NOX5: variants seen among roughly 807,000 people sequenced by gnomAD.
NOX5 encodes the protein NADPH oxidase, EF-hand calcium binding domain 5.
In NOX5, 76 loss-of-function variants were observed where a neutral mutation model predicts 85.7. The observed-to-expected ratio is 0.89, with a 90% CI of 0.74 to 1.07. NOX5 has a LOEUF of 1.07. Among genes scored for constraint, NOX5 ranks in the 50% least tolerant of loss-of-function variants. The pLI is 0.00. For synonymous variants in NOX5, 405 were observed against 401.4 expected (o/e 1.01, Z -0.11); for missense variants, 973 against 999.5 (o/e 0.97, Z 0.36).
Position 69,035,954 on chromosome 15 carries a change from C to G in NOX5, c.1188+18C>G, listed in dbSNP as rs374987860. ...ACTTTGAGGTGCCCCAGTTGCTGCC[C>G]TTTTGCTTCCCCCAAGGCCAGGGTC... On this transcript the variant is annotated intron_variant, in intron 7 of 15. Transcript: ENST00000388866. The G allele has an allele frequency of 4.3e-6, 7 of 1,613,266 alleles. No individual in the cohort carries two copies. In the African/African-American group the frequency reaches 9.3e-5, roughly 22 times the overall value.
chr15:69,053,596 G>T (rs922787197), intron 14 of NOX5, among the ~76,000 whole-genome samples: 1 of 152,134 alleles, frequency 6.6e-6, no homozygotes, highest in African/African-American at 2.4e-5. Flanking sequence ...TCATAAAAAT[G>T]CCAAAATTAA....
chr15:69,035,176 C>G (rs897844521), intron 5 of NOX5, among the ~76,000 whole-genome samples, 178 bp from the exon 6 acceptor site: 1 of 152,226 alleles, frequency 6.6e-6, no homozygotes, highest in African/African-American at 2.4e-5. Context: ...TGGAGATCCT[C>G]CTCTAGAGAC....
intron 10 of NOX5, among the ~76,000 whole-genome samples, chr15:69,044,111 G>A (rs1358812772): frequency 1.3e-5 from 2 of 151,912 alleles, no homozygotes; most frequent in Admixed American, 6.6e-5. Flanking sequence ...TTGAACCCAG[G>A]AGGCAGAGGT....
intron 1 of NOX5, among the ~76,000 whole-genome samples, chr15:69,020,444 A>C (rs1309529448): frequency 1.3e-5 from 2 of 152,060 alleles, no homozygotes; most frequent in African/African-American, 4.8e-5. Flanking sequence ...TAATTTGATC[A>C]GAAAATGTAA....
intron 1 of NOX5, chr15:69,023,331 T>TTCATTCTC (rs2050317945): frequency 3.8e-6 from 1 of 260,470 alleles, no homozygotes; most frequent in East Asian, 1.1e-4. Flanking sequence ...CTAATGCCAC[T>TTCATTCTC]TCATTCTCTC....
At chr15:69,042,563 G>A in intron 9 of NOX5, 100 bp from the exon 10 acceptor site, 1 of 1,332,668 alleles carries the variant, frequency 7.5e-7, no homozygotes, top group Non-Finnish European at 1.0e-6. Context: ...AGGACTTGGA[G>A]GGCTGAGGCC....
intron 1 of NOX5, among the ~76,000 whole-genome samples, chr15:69,026,105 C>T (rs372570161): frequency 8.5e-5 from 13 of 152,346 alleles, no homozygotes; most frequent in African/African-American, 2.9e-4. Flanking sequence ...CCTGGCCCAC[C>T]AGGCTGTCAG....
At chr15:69,048,195 A>G (rs1416237820) in intron 13 of NOX5, among the ~76,000 whole-genome samples, 1 of 152,268 alleles carries the variant, frequency 6.6e-6, no homozygotes, top group Non-Finnish European at 1.5e-5. Context: ...ATTCAGTTAC[A>G]GCCATGATGC....
At chr15:69,040,033 T>C (rs1461150888) in intron 9 of NOX5, among the ~76,000 whole-genome samples, 1 of 152,230 alleles carries the variant, frequency 6.6e-6, no homozygotes, top group Non-Finnish European at 1.5e-5. Flanking sequence ...GTTCTCTGAC[T>C]CATCCTGGTT....
chr15:69,044,180 A>T (rs946854706), intron 10 of NOX5, among the ~76,000 whole-genome samples: 1 of 151,534 alleles, frequency 6.6e-6, no homozygotes, highest in Non-Finnish European at 1.5e-5. Flanking sequence ...TGAGGCTCCA[A>T]CTAAAAAAAA....
intron 3 of NOX5, chr15:69,028,609 A>T: frequency 2.8e-6 from 1 of 354,446 alleles, no homozygotes; most frequent in Non-Finnish European, 5.1e-6. Flanking sequence ...ACTCTGGCAC[A>T]GGAGACAAAT....
At chr15:69,034,653 T>C (rs962148390) in intron 5 of NOX5, among the ~76,000 whole-genome samples, 25 of 152,228 alleles carry the variant, frequency 1.6e-4, no homozygotes, top group African/African-American at 5.3e-4. Context: ...CACTCTGGAT[T>C]TGGCTCCTGC....
In NOX5 at chr15:69,047,497, A is replaced by G. The variant is rs755183645; in HGVS notation, c.1777A>G (p.Ile593Val). Residue 593 changes from isoleucine to valine, a missense_variant, in exon 12 of 16, where the codon ATC (isoleucine) becomes GTC (valine). By Grantham distance (29) the Ile-to-Val change is conservative. Transcript: ENST00000388866. ...CGTGCTCATCGGGGCAGGCATCGGC[A>G]TCACCCCCTTTGCTTCCATTCTGCA... ...HAVLIGAGIG[I>V]TPFASILQSI... 1.2e-6 allele frequency: 2 copies of G among 1,613,908 alleles called. No individual in the cohort carries two copies. The highest frequency in any genetic ancestry group is 1.7e-6 in the Non-Finnish European group (2 of 1,179,986).
intron 1 of NOX5, among the ~76,000 whole-genome samples, chr15:69,017,234 C>A (rs2050242302): frequency 6.6e-6 from 1 of 152,114 alleles, no homozygotes. Flanking sequence ...TCACTACAAC[C>A]TCCACCTCCT....
intron 8 of NOX5, 148 bp from the exon 9 acceptor site, chr15:69,038,709 A>G (rs1595781272): frequency 9.2e-7 from 1 of 1,085,386 alleles, no homozygotes; most frequent in East Asian, 2.4e-5. Context: ...GAGGTGGGCC[A>G]CCACTCAGAA....
intron 10 of NOX5, among the ~76,000 whole-genome samples, chr15:69,045,457 T>C (rs1398621592): frequency 6.6e-6 from 1 of 151,878 alleles, no homozygotes; most frequent in Non-Finnish European, 1.5e-5. Context: ...TGCTCCACAC[T>C]CTTACTCCTT....
intron 8 of NOX5, chr15:69,037,893 G>C (rs1198761311): frequency 6.6e-6 from 1 of 152,356 alleles, no homozygotes; most frequent in Non-Finnish European, 1.5e-5. Context: ...AACCCCGCAG[G>C]CCATGGGGAA....
chr15:69,016,807 T>TATAC lies in NOX5; in HGVS notation c.50+2036_50+2039dup, dbSNP rs1161870266. Among the ~76,000 whole-genome samples the TATAC allele has an allele frequency of 2.5e-4, 36 of 142,820 alleles. No individual in the cohort carries two copies. The South Asian group carries it at 6.2e-3, about 25-fold the overall frequency. The allele number at this position is 142,820 out of a possible 152,430, so 93.7% of individuals were successfully genotyped here. On this transcript the variant is annotated intron_variant, in intron 1 of 15. Coordinates refer to ENST00000388866, the MANE Select transcript of NOX5 (RefSeq NM_024505.4). ...CATATATGACATATGCATATATATA[T>TATAC]ATACATACATACATACACACACTAA...
At chr15:69,048,935 G>A in intron 13 of NOX5, 24 bp from the exon 14 acceptor site, 1 of 1,586,372 alleles carries the variant, frequency 6.3e-7, no homozygotes, top group Non-Finnish European at 8.6e-7. Context: ...CCCAGCCTCT[G>A]AGCTGAAGGG....
Sources: gnomAD v4.1 joint callset for allele counts (sites outside exome capture counted in the v4.1 genomes callset) on GRCh38, gnomAD v4.1.1 for gene constraint, MANE v1.5 for transcripts, NCBI Gene and HGNC (gene_info 2026-07-23, HGNC 2026-07-21) for gene names.